FIGN: variants seen among roughly 807,000 people sequenced by gnomAD.
FIGN encodes the protein fidgetin.
FIGN carries 11 observed loss-of-function variants against 51.3 expected under a neutral mutation model. That is an observed-to-expected ratio of 0.21 (90% confidence interval 0.13 to 0.35). The LOEUF is 0.35. Among genes scored for constraint, FIGN ranks in the 10% least tolerant of loss-of-function variants. The pLI is 1.00. For missense variants in FIGN, 857 were observed against 943.6 expected (o/e 0.91, Z 1.20); for synonymous variants, 407 against 363.2 (o/e 1.12, Z -1.37).
chr2:163,617,410 C>T (rs1242399020), intron 2 of FIGN, among the ~76,000 whole-genome samples: 1 of 152,006 alleles, frequency 6.6e-6, no homozygotes, highest in Admixed American at 6.6e-5. Flanking sequence ...GGTGATGAAA[C>T]CTTTTCAACT....
intron 2 of FIGN, among the ~76,000 whole-genome samples, chr2:163,698,476 A>T (rs927390536): frequency 2.0e-5 from 3 of 151,994 alleles, no homozygotes; most frequent in Admixed American, 1.3e-4. Flanking sequence ...TGAAGCTGAG[A>T]CAATGCAGGT....
At chr2:163,644,518 G>A (rs1226228033) in intron 2 of FIGN, among the ~76,000 whole-genome samples, 2 of 152,180 alleles carry the variant, frequency 1.3e-5, no homozygotes, top group Non-Finnish European at 2.9e-5. Context: ...TAAACAGTAT[G>A]TTTTCCAGTA....
Position 163,735,192 on chromosome 2 carries a change from T to A in FIGN, c.-145-120A>T, listed in dbSNP as rs144829992. On this transcript the variant is annotated intron_variant, in intron 1 of 2. Transcript: ENST00000333129. Reference sequence around the variant, plus strand: ...GAATGCAAGTCCATGTCAATTTCACTCACTCCCATTGAAACTAACAAGAGC... The same window carrying A: ...GAATGCAAGTCCATGTCAATTTCACACACTCCCATTGAAACTAACAAGAGC... 186 of 475,886 alleles carry A rather than the reference T, an allele frequency of 3.9e-4. 1 individual carries two copies. In the East Asian group the frequency reaches 7.1e-3, roughly 18 times the overall value. The allele number at this position is 475,886 out of a possible 1,614,324, so 29.5% of individuals were successfully genotyped here.
At chr2:163,612,600 A>G (rs1338125559) in intron 2 of FIGN, 2 of 984,754 alleles carry the variant, frequency 2.0e-6, no homozygotes, top group African/African-American at 3.5e-5. Flanking sequence ...AAAAAAAACA[A>G]GCATCACTTG....
At chr2:163,726,609 C>G (rs981005472) in intron 2 of FIGN, among the ~76,000 whole-genome samples, 1 of 151,940 alleles carries the variant, frequency 6.6e-6, no homozygotes, top group Non-Finnish European at 1.5e-5. Flanking sequence ...TTCTAACTAA[C>G]CCCGTTAACC....
intron 2 of FIGN, among the ~76,000 whole-genome samples, chr2:163,652,688 G>C (rs950866711): frequency 6.6e-6 from 1 of 152,002 alleles, no homozygotes; most frequent in African/African-American, 2.4e-5. Context: ...ACTCCTATCT[G>C]TTGGGCTTCA....
At chr2:163,724,124 TA>T (rs1295368934) in intron 2 of FIGN, among the ~76,000 whole-genome samples, 1 of 152,172 alleles carries the variant, frequency 6.6e-6, no homozygotes, top group Non-Finnish European at 1.5e-5. Flanking sequence ...AAAAGTAAAC[TA>T]AAAACTAAGG....
intron 2 of FIGN, among the ~76,000 whole-genome samples, chr2:163,710,405 G>A (rs1017193895): frequency 9.2e-5 from 14 of 152,152 alleles, no homozygotes; most frequent in African/African-American, 3.4e-4. Context: ...TTTTGGTTAG[G>A]CTAAATGCCC....
intron 2 of FIGN, among the ~76,000 whole-genome samples, chr2:163,663,006 C>T (rs1254207333): frequency 2.6e-5 from 4 of 152,128 alleles, no homozygotes; most frequent in Non-Finnish European, 4.4e-5. Context: ...CTTTTTCTTC[C>T]CAGTCTTGGT....
intron 2 of FIGN, among the ~76,000 whole-genome samples, chr2:163,633,434 G>T (rs1424603122): frequency 6.6e-6 from 1 of 152,038 alleles, no homozygotes; most frequent in African/African-American, 2.4e-5. Flanking sequence ...AAGTAACTTG[G>T]CCAAGTCACA....
chr2:163,632,508 G>T (rs1200156154), intron 2 of FIGN, among the ~76,000 whole-genome samples: 1 of 152,208 alleles, frequency 6.6e-6, no homozygotes, highest in Non-Finnish European at 1.5e-5. Context: ...CATACATTGA[G>T]GTCACTTTCC....
At chr2:163,635,704 T>A (rs1683213592) in intron 2 of FIGN, among the ~76,000 whole-genome samples, 1 of 152,172 alleles carries the variant, frequency 6.6e-6, no homozygotes, top group African/African-American at 2.4e-5. Context: ...ACAGAGCGTA[T>A]ACCATGACTG....
intron 2 of FIGN, among the ~76,000 whole-genome samples, chr2:163,707,734 A>G (rs548758602): frequency 6.6e-6 from 1 of 152,260 alleles, no homozygotes; most frequent in South Asian, 2.1e-4. Flanking sequence ...GGAGATAAAA[A>G]AGTGAAACTA....
intron 2 of FIGN, among the ~76,000 whole-genome samples, chr2:163,619,537 C>G (rs1682934233): frequency 6.6e-6 from 1 of 151,988 alleles, no homozygotes; most frequent in South Asian, 2.1e-4. Context: ...CAAATATGAC[C>G]AAGTGTAACG....
intron 2 of FIGN, among the ~76,000 whole-genome samples, chr2:163,650,319 TATA>T (rs916374775): frequency 2.2e-4 from 33 of 151,470 alleles, no homozygotes; most frequent in African/African-American, 8.0e-4. Context: ...ATAGCATATA[TATA>T]ATATTTAACA....
chr2:163,613,847 A>G (rs1215015703), intron 2 of FIGN, among the ~76,000 whole-genome samples: 1 of 152,226 alleles, frequency 6.6e-6, no homozygotes, highest in East Asian at 1.9e-4. Context: ...GGATCCATGT[A>G]GATATTCATT....
intron 2 of FIGN, among the ~76,000 whole-genome samples, chr2:163,723,986 T>C (rs1684799700): frequency 6.6e-6 from 1 of 152,222 alleles, no homozygotes; most frequent in Non-Finnish European, 1.5e-5. Flanking sequence ...ATTTTGCATC[T>C]TTTAGACGAC....
chr2:163,629,284 T>C (rs996344650), intron 2 of FIGN, among the ~76,000 whole-genome samples: 4 of 152,178 alleles, frequency 2.6e-5, no homozygotes, highest in Admixed American at 6.5e-5. Context: ...GAGTGTTTAA[T>C]TGTAGCACAT....
intron 2 of FIGN, among the ~76,000 whole-genome samples, chr2:163,660,288 G>A (rs60102993): frequency 0.045 from 6,767 of 152,012 alleles, 502 homozygotes; most frequent in East Asian, 0.31. Flanking sequence ...ATTCAATGCT[G>A]CATAATGTAA....
Sources: gnomAD v4.1 joint callset for allele counts (sites outside exome capture counted in the v4.1 genomes callset) on GRCh38, gnomAD v4.1.1 for gene constraint, MANE v1.5 for transcripts, NCBI Gene and HGNC (gene_info 2026-07-23, HGNC 2026-07-21) for gene names.